GSK3B: variants seen among roughly 807,000 people sequenced by gnomAD.
The protein encoded by GSK3B is glycogen synthase kinase-3 beta.
Under a neutral mutation model 56.4 loss-of-function variants are expected in GSK3B, and 15 were observed. The observed-to-expected ratio is 0.27, with a 90% confidence interval of 0.18 to 0.41. The LOEUF (loss-of-function observed/expected upper bound fraction) is 0.41, where lower values mean the gene tolerates loss of function less well. Ranked by LOEUF, GSK3B falls within the 10% of genes least tolerant of loss-of-function variation. The pLI, the probability that GSK3B is intolerant of heterozygous loss-of-function variation, is 1.00. For synonymous variants in GSK3B, 181 were observed against 188.9 expected, an observed-to-expected ratio of 0.96 and a Z score of 0.34; for missense variants, 300 against 513.4, an observed-to-expected ratio of 0.58 and a Z score of 4.02.
At chr3:119,842,283 C>T (rs916390908) in intron 10 of GSK3B, among the ~76,000 whole-genome samples, 1 of 152,086 alleles carries the variant, frequency 6.6e-6, no homozygotes, top group Non-Finnish European at 1.5e-5. Context: ...TGGCTTCAGG[C>T]CCTGCAGCAC....
intron 2 of GSK3B, among the ~76,000 whole-genome samples, chr3:119,989,654 A>G (rs1172295696): frequency 2.0e-5 from 3 of 152,048 alleles, no homozygotes; most frequent in African/African-American, 4.8e-5. Context: ...CCAAAAAAAA[A>G]AAAAAGGAAA....
intron 2 of GSK3B, among the ~76,000 whole-genome samples, chr3:119,990,819 T>C (rs2057557628): frequency 6.6e-6 from 1 of 152,188 alleles, no homozygotes; most frequent in Admixed American, 6.5e-5. Context: ...GCCCAGCTAC[T>C]TGGGAAGCTG....
At chr3:120,059,580 C>G (rs1002427401) in intron 1 of GSK3B, among the ~76,000 whole-genome samples, 1 of 152,190 alleles carries the variant, frequency 6.6e-6, no homozygotes, top group African/African-American at 2.4e-5. Flanking sequence ...AATATACTTA[C>G]AAACACAAAG....
chr3:120,066,568 T>G (rs1314631683), intron 1 of GSK3B, among the ~76,000 whole-genome samples: 1 of 152,198 alleles, frequency 6.6e-6, no homozygotes, highest in Non-Finnish European at 1.5e-5. Context: ...CTGCTTTTTC[T>G]TAGGATAATA....
In GSK3B at chr3:119,824,181, A is replaced by G. The variant is rs2107988985; in HGVS notation, c.*2607T>C. Reference sequence around the variant, plus strand: ...AAAACTTAAATTTAAAAACACAGAAAGAAAATATAATGTACAAGCTTGAAT... The same window carrying G: ...AAAACTTAAATTTAAAAACACAGAAGGAAAATATAATGTACAAGCTTGAAT... On this transcript the variant is annotated 3_prime_UTR_variant, in exon 11 of 11. Transcript: ENST00000264235. The G allele has an allele frequency of 4.9e-6, 1 of 205,702 alleles. No homozygotes were observed. Among genetic ancestry groups the G allele is most frequent in the Middle Eastern group, 1.7e-3 (1 of 600 alleles). The allele number at this position is 205,702 out of a possible 1,614,324, so 12.7% of individuals were successfully genotyped here.
intron 2 of GSK3B, among the ~76,000 whole-genome samples, chr3:119,967,964 T>C (rs2057334727): frequency 6.6e-6 from 1 of 152,002 alleles, no homozygotes; most frequent in South Asian, 2.1e-4. Context: ...CAAGCAATTC[T>C]CCTGCCTCAG....
At position 119,844,826 on chromosome 3, in the gene GSK3B, C is replaced by A. The variant is rs574309228; in HGVS notation, c.1097-1473G>T. Among the ~76,000 whole-genome samples, 35 of 152,318 alleles carry A rather than the reference C, an allele frequency of 2.3e-4. 1 individual carries two copies. In the South Asian group the frequency reaches 7.1e-3, roughly 31 times the overall value. On this transcript the variant is annotated intron_variant, in intron 9 of 10. Transcript: ENST00000264235. ...ACTCATTTTATGCAGCCAGCATCAT[C>A]CTGATAGCAAAACCTGGCAGAGACA...
At chr3:119,964,395 G>A (rs1455509904) in intron 2 of GSK3B, among the ~76,000 whole-genome samples, 4 of 152,132 alleles carry the variant, frequency 2.6e-5, no homozygotes, top group Non-Finnish European at 5.9e-5. Context: ...GAAAAATGTG[G>A]TATATACATA....
intron 1 of GSK3B, among the ~76,000 whole-genome samples, chr3:120,005,572 A>T (rs2057719612): frequency 6.6e-6 from 1 of 152,226 alleles, no homozygotes; most frequent in Non-Finnish European, 1.5e-5. Context: ...CTAACAGCAG[A>T]TCTCTCGGCA....
intron 7 of GSK3B, among the ~76,000 whole-genome samples, chr3:119,898,405 A>G (rs868125193): frequency 5.3e-5 from 8 of 152,188 alleles, no homozygotes; most frequent in African/African-American, 1.4e-4. Context: ...GGAACTGACC[A>G]TTACAATGGT....
intron 1 of GSK3B, among the ~76,000 whole-genome samples, chr3:120,061,898 A>T (rs752180666): frequency 6.6e-6 from 1 of 151,582 alleles, no homozygotes; most frequent in African/African-American, 2.4e-5. Flanking sequence ...ACGCGCAGCT[A>T]ATTTTGTACT....
chr3:120,063,995 T>A (rs565135260), intron 1 of GSK3B, among the ~76,000 whole-genome samples: 411 of 151,952 alleles, frequency 2.7e-3, no homozygotes, highest in Non-Finnish European at 3.4e-3. Context: ...TCAAAAAAAA[T>A]TAAATAAATA....
At chr3:119,828,957 G>T (rs1448125960) in intron 10 of GSK3B, among the ~76,000 whole-genome samples, 1 of 152,168 alleles carries the variant, frequency 6.6e-6, no homozygotes, top group African/African-American at 2.4e-5. Context: ...ATGTAATGGG[G>T]TCATATTAAT....
At chr3:119,852,157 G>T (rs1458402660) in intron 9 of GSK3B, among the ~76,000 whole-genome samples, 1 of 152,092 alleles carries the variant, frequency 6.6e-6, no homozygotes, top group Non-Finnish European at 1.5e-5. Context: ...TTTCATGTGA[G>T]GACTATATAA....
At chr3:119,970,160 A>AAAATGTATAC (rs2057352498) in intron 2 of GSK3B, among the ~76,000 whole-genome samples, 1 of 152,196 alleles carries the variant, frequency 6.6e-6, no homozygotes, top group Admixed American at 6.5e-5. Context: ...GTATGTATAC[A>AAAATGTATAC]AAAATGCAGT....
chr3:119,849,271 C>A (rs2108017659), intron 9 of GSK3B, among the ~76,000 whole-genome samples: 1 of 152,242 alleles, frequency 6.6e-6, no homozygotes, highest in South Asian at 2.1e-4. Context: ...TGTAAGGTCC[C>A]AGGATAGGGA....
At chr3:120,039,334 C>T (rs1244205647) in intron 1 of GSK3B, among the ~76,000 whole-genome samples, 4 of 152,234 alleles carry the variant, frequency 2.6e-5, no homozygotes, top group Non-Finnish European at 5.9e-5. Flanking sequence ...CCAGCAATCA[C>T]ACTCATAGAT....
At chr3:120,082,385 C>T (rs796935345) in intron 1 of GSK3B, among the ~76,000 whole-genome samples, 1,585 of 65,332 alleles carry the variant, frequency 0.024, 26 homozygotes, top group African/African-American at 0.054. Flanking sequence ...TTAGTATGTT[C>T]TTTTTTTTTT....
intron 1 of GSK3B, among the ~76,000 whole-genome samples, chr3:120,065,176 A>G (rs1396423898): frequency 6.6e-6 from 1 of 152,194 alleles, no homozygotes; most frequent in Admixed American, 6.5e-5. Context: ...CTAAAAAGAG[A>G]ATGAAAAGAA....
Sources: allele counts gnomAD v4.1 joint callset (sites outside exome capture counted in the v4.1 genomes callset), GRCh38; gene constraint gnomAD v4.1.1; transcripts MANE v1.5; gene names NCBI Gene and HGNC (gene_info 2026-07-23, HGNC 2026-07-21).